Variants in HIVEP2 observed in about 807,000 individuals in gnomAD.
HIVEP2 encodes transcription factor HIVEP2.
HIVEP2 carries 14 observed loss-of-function variants against 180.7 expected under a neutral mutation model. That is an observed-to-expected ratio of 0.08 (90% CI 0.05 to 0.12). The LOEUF (loss-of-function observed/expected upper bound fraction) is 0.12, where lower values mean the gene tolerates loss of function less well. HIVEP2 is among the 10% of genes least tolerant of loss of function. The pLI is 1.00. For missense variants in HIVEP2, 2,579 were observed against 3,008.5 expected (o/e 0.86, Z 3.34); for synonymous variants, 1,184 against 1,136.4 (o/e 1.04, Z -0.84).
At chr6:142,871,732 C>T (rs1293656351) in intron 1 of HIVEP2, among the ~76,000 whole-genome samples, 1 of 152,066 alleles carries the variant, frequency 6.6e-6, no homozygotes, top group African/African-American at 2.4e-5. Flanking sequence ...CTAGCCACTG[C>T]AGGCAGTTAT....
At chr6:142,789,851 AGTT>A (rs1251383914) in intron 2 of HIVEP2, among the ~76,000 whole-genome samples, 1 of 152,216 alleles carries the variant, frequency 6.6e-6, no homozygotes, top group Admixed American at 6.5e-5. Flanking sequence ...AAATAACAGT[AGTT>A]AAGGATCAAT....
intron 2 of HIVEP2, among the ~76,000 whole-genome samples, chr6:142,787,944 G>A (rs941689557): frequency 2.6e-5 from 4 of 152,210 alleles, no homozygotes; most frequent in African/African-American, 9.6e-5. Context: ...TTCATAATAG[G>A]AGGCTGGGGC....
intron 2 of HIVEP2, among the ~76,000 whole-genome samples, chr6:142,834,109 C>T (rs763102139): frequency 2.0e-5 from 3 of 152,214 alleles, no homozygotes; most frequent in East Asian, 1.9e-4. Context: ...CTTATCAAAT[C>T]GTTATAAGAC....
chr6:142,753,043 T>C lies in HIVEP2; in HGVS notation c.*64A>G, dbSNP rs1163096042. The C allele has an allele frequency of 6.0e-6, 6 of 1,005,756 alleles. No homozygotes were observed. In the African/African-American group the frequency reaches 7.9e-5, roughly 13 times the overall value. The allele number at this position is 1,005,756 out of a possible 1,614,324, so 62.3% of individuals were successfully genotyped here. A position where few individuals can be genotyped will look rare whatever the true frequency, so the allele number is the denominator to read the frequency against. ...ATGCTATAAACTGGATTACCTCCAT[T>C]TCTAGAAAAACAAAAACAAAAAAAT... is the stretch of plus-strand genomic sequence containing the variant. On this transcript the variant is annotated 3_prime_UTR_variant, in exon 10 of 10. Coordinates refer to ENST00000367603, the MANE Select transcript of HIVEP2 (RefSeq NM_006734.4).
At chr6:142,897,575 G>A (rs1777031153) in intron 1 of HIVEP2, among the ~76,000 whole-genome samples, 1 of 152,162 alleles carries the variant, frequency 6.6e-6, no homozygotes, top group African/African-American at 2.4e-5. Flanking sequence ...ACCATGGAGT[G>A]AAATAAGTCA....
chr6:142,826,503 TA>T (rs1238289746), intron 2 of HIVEP2, among the ~76,000 whole-genome samples: 1 of 152,200 alleles, frequency 6.6e-6, no homozygotes, highest in Non-Finnish European at 1.5e-5. Flanking sequence ...ACAAACATAC[TA>T]ACCCTATCTA....
At position 142,768,553 on chromosome 6, in the gene HIVEP2, G is replaced by C. The variant is rs766831791; in HGVS notation, c.5188-17C>G. On this transcript the variant is annotated splice_polypyrimidine_tract_variant and intron_variant, in intron 5 of 9. Coordinates refer to ENST00000367603, the MANE Select transcript of HIVEP2 (RefSeq NM_006734.4). ...AGGTTTCATCTGTAAGACAAGAAGA[G>C]AGAATCATTTCACATGCTTTCTCCA... The C allele has an allele frequency of 1.6e-5, 26 of 1,610,818 alleles. No homozygotes were observed. In the South Asian group the frequency reaches 2.8e-4, roughly 17 times the overall value.
chr6:142,900,160 GT>G (rs1777097658), intron 1 of HIVEP2, among the ~76,000 whole-genome samples: 1 of 152,152 alleles, frequency 6.6e-6, no homozygotes, highest in African/African-American at 2.4e-5. Flanking sequence ...AAAAATAAAC[GT>G]TTTTCAGATT....
At position 142,925,208 on chromosome 6, in the gene HIVEP2, T is replaced by C. The variant is rs558221019; in HGVS notation, c.-641+19891A>G. 1.6e-4 allele frequency among the ~76,000 whole-genome samples: 24 copies of C among 152,368 alleles called. 1 individual carries two copies. The South Asian group carries it at 4.3e-3, about 28-fold the overall frequency. On this transcript the variant is annotated intron_variant, in intron 1 of 9. Transcript: ENST00000367603. ...AAAAGGGAATGAGAATCAATATTTTTAGAAAGTAATCTTGCATTAACATAG... is the reference window on the plus strand; with the variant it reads ...AAAAGGGAATGAGAATCAATATTTTCAGAAAGTAATCTTGCATTAACATAG...
At chr6:142,809,015 T>C (rs1310370260) in intron 2 of HIVEP2, among the ~76,000 whole-genome samples, 1 of 152,124 alleles carries the variant, frequency 6.6e-6, no homozygotes, top group Non-Finnish European at 1.5e-5. Context: ...CATCTTTGTA[T>C]CCCACACAAA....
chr6:142,926,137 T>A (rs79369106), intron 1 of HIVEP2, among the ~76,000 whole-genome samples: 3,934 of 152,376 alleles, frequency 0.026, 70 homozygotes, highest in Middle Eastern at 0.044. Flanking sequence ...AAACTTTTTT[T>A]AAATTTAACA....
chr6:142,941,034 T>C (rs1778164892), intron 1 of HIVEP2, among the ~76,000 whole-genome samples: 1 of 152,234 alleles, frequency 6.6e-6, no homozygotes, highest in Non-Finnish European at 1.5e-5. Context: ...TAGACACTTG[T>C]AGAAAAATCA....
At chr6:142,817,510 T>A (rs1776874623) in intron 2 of HIVEP2, among the ~76,000 whole-genome samples, 1 of 152,214 alleles carries the variant, frequency 6.6e-6, no homozygotes, top group Admixed American at 6.5e-5. Context: ...GTGTCTTATG[T>A]ACTATGCTGG....
intron 1 of HIVEP2, among the ~76,000 whole-genome samples, chr6:142,908,625 T>C (rs1777327779): frequency 6.6e-6 from 1 of 152,080 alleles, no homozygotes; most frequent in Non-Finnish European, 1.5e-5. Context: ...TAGAAAAATT[T>C]AAAGGAGTGA....
At chr6:142,788,036 T>C (rs1658649461) in intron 2 of HIVEP2, 1 of 152,168 alleles carries the variant, frequency 6.6e-6, no homozygotes, top group Non-Finnish European at 1.5e-5. Flanking sequence ...TCTCAGCAGG[T>C]AGTGCAGGAG....
At position 142,780,318 on chromosome 6, in the gene HIVEP2, C is replaced by A. The variant is rs549356712; in HGVS notation, c.-433+3203G>T. Among the ~76,000 whole-genome samples the A allele has an allele frequency of 3.9e-5, 6 of 152,278 alleles. No homozygotes were observed. The South Asian group carries it at 1.2e-3, about 32-fold the overall frequency. On this transcript the variant is annotated intron_variant, in intron 3 of 9. Coordinates refer to ENST00000367603, the MANE Select transcript of HIVEP2 (RefSeq NM_006734.4). ...CTGGAGGTCCCAGCACTACAGGGACCCCTCCTCTGATCCACAATGTCTAGT... is the reference window on the plus strand; with the variant it reads ...CTGGAGGTCCCAGCACTACAGGGACACCTCCTCTGATCCACAATGTCTAGT...
chr6:142,840,684 T>C (rs79077591), intron 1 of HIVEP2, among the ~76,000 whole-genome samples: 65 of 152,298 alleles, frequency 4.3e-4, no homozygotes, highest in Non-Finnish European at 6.5e-4. Context: ...ATCATTCCTA[T>C]ATGTGGCAAC....
At chr6:142,882,905 T>C (rs1387734962) in intron 1 of HIVEP2, among the ~76,000 whole-genome samples, 1 of 152,126 alleles carries the variant, frequency 6.6e-6, no homozygotes, top group Non-Finnish European at 1.5e-5. Flanking sequence ...AAGGACCACA[T>C]ATTAACCAGG....
chr6:142,944,670 G>C (rs926058428), intron 1 of HIVEP2: 1 of 152,718 alleles, frequency 6.5e-6, no homozygotes, highest in Non-Finnish European at 1.5e-5. Context: ...ACGGGCCAAC[G>C]TTCCACCCAC....
Sources: allele counts gnomAD v4.1 joint callset (sites outside exome capture counted in the v4.1 genomes callset), GRCh38; gene constraint gnomAD v4.1.1; transcripts MANE v1.5; gene names NCBI Gene and HGNC (gene_info 2026-07-23, HGNC 2026-07-21).